The following BAIAP2L1 variants were observed in gnomAD, a reference collection of about 807,000 sequenced individuals.
The protein encoded by BAIAP2L1 is BAR/IMD domain containing adaptor protein 2 like 1, also known as BAR/IMD domain-containing adapter protein 2-like 1.
In BAIAP2L1, 35 loss-of-function variants were observed where a neutral mutation model predicts 66.3. The ratio of observed to expected loss-of-function variants is 0.53; its 90% CI spans 0.40 to 0.70. BAIAP2L1 has a LOEUF of 0.70. BAIAP2L1 is among the 30% of genes least tolerant of loss of function. The pLI, the probability that BAIAP2L1 is intolerant of heterozygous loss-of-function variation, is 0.00. For synonymous variants in BAIAP2L1, 269 were observed against 248.7 expected, an observed-to-expected ratio of 1.08 and a Z score of -0.77; for missense variants, 622 against 656.9, an observed-to-expected ratio of 0.95 and a Z score of 0.58.
intron 12 of BAIAP2L1, among the ~76,000 whole-genome samples, chr7:98,298,555 G>A (rs1386683623): frequency 6.6e-6 from 1 of 152,070 alleles, no homozygotes; most frequent in Non-Finnish European, 1.5e-5. Flanking sequence ...GGAGTTTGCA[G>A]TGAGCCGAGA....
intron 7 of BAIAP2L1, among the ~76,000 whole-genome samples, chr7:98,312,553 C>T (rs1284171920): frequency 6.6e-6 from 1 of 152,152 alleles, no homozygotes; most frequent in Non-Finnish European, 1.5e-5. Flanking sequence ...AGAACAGAAA[C>T]TCAAAGGGAG....
intron 3 of BAIAP2L1, among the ~76,000 whole-genome samples, chr7:98,339,000 G>A (rs1262001466): frequency 3.3e-5 from 5 of 151,600 alleles, no homozygotes; most frequent in Non-Finnish European, 7.4e-5. Flanking sequence ...TTGAACCCAG[G>A]AGGCAGAGGT....
At chr7:98,325,983 G>A (rs1310151430) in intron 3 of BAIAP2L1, among the ~76,000 whole-genome samples, 1 of 152,224 alleles carries the variant, frequency 6.6e-6, no homozygotes, top group Non-Finnish European at 1.5e-5. Context: ...CCTGGGGTCA[G>A]TACCAACACT....
intron 8 of BAIAP2L1, among the ~76,000 whole-genome samples, chr7:98,311,296 C>T (rs531392831): frequency 6.6e-6 from 1 of 152,082 alleles, no homozygotes; most frequent in Non-Finnish European, 1.5e-5. Context: ...GTAACCCCAG[C>T]ACTTTGGGAG....
intron 6 of BAIAP2L1, among the ~76,000 whole-genome samples, chr7:98,316,874 T>A (rs1195782478): frequency 1.3e-5 from 2 of 152,076 alleles, no homozygotes; most frequent in Non-Finnish European, 2.9e-5. Flanking sequence ...AAACTTTTTT[T>A]TTTTTTTGAG....
chr7:98,324,968 G>A (rs374221060), intron 3 of BAIAP2L1, among the ~76,000 whole-genome samples: 2 of 152,178 alleles, frequency 1.3e-5, no homozygotes, highest in Middle Eastern at 3.2e-3. Flanking sequence ...GCAGAGCAAC[G>A]CCTGAGTCAC....
intron 7 of BAIAP2L1, among the ~76,000 whole-genome samples, chr7:98,312,995 T>C (rs891678291): frequency 2.0e-5 from 3 of 152,260 alleles, no homozygotes; most frequent in African/African-American, 7.2e-5. Context: ...CAGGAGCCTG[T>C]CCTGCGGCTG....
chr7:98,293,229 T>G lies in BAIAP2L1; in HGVS notation c.*292A>C. The stretch of plus-strand genomic sequence containing the variant: ...TGGCTGTTATTAAGGAAAAAATTCA[T>G]TTAAAAAATACAGTAAAGATTGAAA... On this transcript the variant is annotated 3_prime_UTR_variant, in exon 14 of 14. Coordinates refer to ENST00000005260, the MANE Select transcript of BAIAP2L1 (RefSeq NM_018842.5). The G allele has an allele frequency of 3.0e-6, 1 of 336,466 alleles. No homozygotes were observed. The highest frequency in any genetic ancestry group is 5.4e-6 in the Non-Finnish European group (1 of 186,006). 20.8% of individuals were successfully genotyped at this position (336,466 alleles called of 1,614,324 possible).
intron 1 of BAIAP2L1, among the ~76,000 whole-genome samples, chr7:98,381,155 G>A (rs913958252): frequency 3.3e-5 from 5 of 152,114 alleles, no homozygotes; most frequent in Non-Finnish European, 5.9e-5. Context: ...GCAGATCTCC[G>A]GCTGGCGTAG....
intron 1 of BAIAP2L1, among the ~76,000 whole-genome samples, chr7:98,387,283 T>C (rs923959277): frequency 1.3e-5 from 2 of 152,110 alleles, no homozygotes; most frequent in Admixed American, 1.3e-4. Context: ...ACAGACCTTC[T>C]TTGTCTTTTC....
intron 3 of BAIAP2L1, among the ~76,000 whole-genome samples, chr7:98,344,135 C>T (rs1444861709): frequency 6.6e-6 from 1 of 152,150 alleles, no homozygotes; most frequent in Non-Finnish European, 1.5e-5. Flanking sequence ...TGAGATCGCG[C>T]CACTGGCACT....
chr7:98,356,665 TAA>T (rs35660519), intron 2 of BAIAP2L1, among the ~76,000 whole-genome samples: 43,672 of 106,824 alleles, frequency 0.41, 9,325 homozygotes, highest in Middle Eastern at 0.57. Context: ...CCTGGCTAAT[TAA>T]AAAAAAAAAA....
rs1033530744 is a variant in BAIAP2L1, at chr7:98,293,508, C to T, written c.*13G>A. ...AGAACCGGAGAGGCCCGGGAGAGTC[C>T]TTGGCTGTCCTCTCATCGAATGATG... On this transcript the variant is annotated 3_prime_UTR_variant, in exon 14 of 14. Coordinates refer to ENST00000005260, the MANE Select transcript of BAIAP2L1 (RefSeq NM_018842.5). The T allele has an allele frequency of 1.9e-6, 3 of 1,611,232 alleles. No individual in the cohort carries two copies. Among genetic ancestry groups the T allele is most frequent in the Non-Finnish European group, 2.5e-6 (3 of 1,178,336 alleles).
At chr7:98,328,906 C>T (rs1801435194) in intron 3 of BAIAP2L1, among the ~76,000 whole-genome samples, 1 of 152,164 alleles carries the variant, frequency 6.6e-6, no homozygotes, top group Non-Finnish European at 1.5e-5. Context: ...CCGGAGTCCT[C>T]AAAGGAAAAA....
intron 1 of BAIAP2L1, chr7:98,385,665 C>T: frequency 1.4e-6 from 1 of 735,764 alleles, no homozygotes; most frequent in South Asian, 1.7e-5. Flanking sequence ...CTGCCTGCTT[C>T]AGCCTCCCAA....
chr7:98,318,207 C>G (rs1478365554), intron 5 of BAIAP2L1, among the ~76,000 whole-genome samples: 1 of 152,224 alleles, frequency 6.6e-6, no homozygotes, highest in Non-Finnish European at 1.5e-5. Flanking sequence ...CGACCAGAAG[C>G]CAAGTCTCTA....
intron 3 of BAIAP2L1, among the ~76,000 whole-genome samples, chr7:98,332,805 T>TC (rs1159003801): frequency 2.9e-4 from 14 of 47,668 alleles, no homozygotes; most frequent in African/African-American, 6.9e-4. Flanking sequence ...TGAGACTTCG[T>TC]CCCCAAAAAA....
Position 98,293,188 on chromosome 7 carries a change from AG to A in BAIAP2L1, c.*332del, listed in dbSNP as rs1800042829. ...TGCAGAAAGCCAGTCCTGAAAGCAT[AG>A]ACTATCCCTTATTCTGGCTGTTATT... On this transcript the variant is annotated 3_prime_UTR_variant, in exon 14 of 14. Transcript: ENST00000005260. 3.4e-6 allele frequency: 1 copy of A among 289,882 alleles called. No homozygotes were observed. The highest frequency in any genetic ancestry group is 4.9e-5 in the Admixed American group (1 of 20,242). 18.0% of individuals were successfully genotyped at this position (289,882 alleles called of 1,614,324 possible).
chr7:98,351,838 G>A (rs569426339), intron 3 of BAIAP2L1, among the ~76,000 whole-genome samples: 130 of 152,296 alleles, frequency 8.5e-4, no homozygotes, highest in African/African-American at 3.1e-3. Flanking sequence ...AGAGCTAAGT[G>A]TAAGTATCCA....
Sources: allele counts gnomAD v4.1 joint callset (sites outside exome capture counted in the v4.1 genomes callset), GRCh38; gene constraint gnomAD v4.1.1; transcripts MANE v1.5; gene names NCBI Gene and HGNC (gene_info 2026-07-23, HGNC 2026-07-21).